CLMP: variants seen among roughly 807,000 people sequenced by gnomAD.
CLMP encodes CXADR like cell adhesion molecule.
In CLMP, 27 loss-of-function variants were observed where a neutral mutation model predicts 45.2. The ratio of observed to expected loss-of-function variants is 0.60; its 90% CI spans 0.44 to 0.82. The LOEUF is 0.82. CLMP is among the 40% of genes least tolerant of loss of function. CLMP has a pLI of 0.00. For synonymous variants in CLMP, 167 were observed against 171.4 expected, an observed-to-expected ratio of 0.97 and a Z score of 0.20; for missense variants, 403 against 448.4, an observed-to-expected ratio of 0.90 and a Z score of 0.91.
intron 1 of CLMP, among the ~76,000 whole-genome samples, chr11:123,139,210 C>G (rs1861120799): frequency 6.6e-6 from 1 of 151,852 alleles, no homozygotes; most frequent in Non-Finnish European, 1.5e-5. Context: ...GCTTTACAAA[C>G]CTCTGAACTA....
At chr11:123,156,425 C>T (rs544784105) in intron 1 of CLMP, among the ~76,000 whole-genome samples, 2 of 152,356 alleles carry the variant, frequency 1.3e-5, no homozygotes, top group South Asian at 2.1e-4. Context: ...GCTGCAAACT[C>T]GGGCATGATC....
At chr11:123,124,344 A>G (rs554686126) in intron 1 of CLMP, among the ~76,000 whole-genome samples, 1 of 152,226 alleles carries the variant, frequency 6.6e-6, no homozygotes, top group Middle Eastern at 3.4e-3. Flanking sequence ...TTGGTTTGCT[A>G]ATCTTTGAGA....
chr11:123,139,583 T>C (rs1011925759), intron 1 of CLMP, among the ~76,000 whole-genome samples: 5 of 152,094 alleles, frequency 3.3e-5, no homozygotes, highest in African/African-American at 1.2e-4. Flanking sequence ...TGCCAGCACA[T>C]TGGGAGGCTG....
chr11:123,090,128 C>T (rs1865913537), intron 2 of CLMP, among the ~76,000 whole-genome samples: 1 of 151,250 alleles, frequency 6.6e-6, no homozygotes, highest in African/African-American at 2.4e-5. Context: ...TTAGGATCCA[C>T]TAACTGGTTG....
At position 123,080,280 on chromosome 11, in the gene CLMP, G is replaced by A. The variant is rs189041237; in HGVS notation, c.679+2805C>T. ...GCTGTATTATACTCATCAGAAGTGA[G>A]TCACTAAGTTCAGATCACACTCAAA... is the stretch of plus-strand genomic sequence containing the variant. On this transcript the variant is annotated intron_variant, in intron 5 of 6. Transcript: ENST00000448775. Among the ~76,000 whole-genome samples, 542 of 151,300 alleles carry A rather than the reference G, an allele frequency of 3.6e-3. 4 individuals are homozygous for A. The highest frequency in any genetic ancestry group is 6.9e-3 in the Middle Eastern group (2 of 288).
chr11:123,171,569 G>A (rs964528383), intron 1 of CLMP, among the ~76,000 whole-genome samples: 4 of 151,374 alleles, frequency 2.6e-5, no homozygotes, highest in Admixed American at 6.6e-5. Flanking sequence ...TCAGCCTTCC[G>A]AGTAGCTGGG....
At chr11:123,131,482 C>A (rs1860986992) in intron 1 of CLMP, among the ~76,000 whole-genome samples, 1 of 152,042 alleles carries the variant, frequency 6.6e-6, no homozygotes, top group African/African-American at 2.4e-5. Flanking sequence ...CAAAAATAAG[C>A]CCAAAACTAA....
At chr11:123,153,479 T>G (rs1489732561) in intron 1 of CLMP, among the ~76,000 whole-genome samples, 1 of 152,160 alleles carries the variant, frequency 6.6e-6, no homozygotes, top group African/African-American at 2.4e-5. Flanking sequence ...TTGTGCCCCT[T>G]AATAAAGCTA....
rs1347888310 is a variant in CLMP at position 123,113,015 on chromosome 11, T to C, written c.29-15063A>G. Among the ~76,000 whole-genome samples the C allele has an allele frequency of 2.6e-5, 4 of 151,622 alleles. No homozygotes were observed. In the South Asian group the frequency reaches 8.3e-4, roughly 32 times the overall value. On this transcript the variant is annotated intron_variant, in intron 1 of 6. Transcript: ENST00000448775. ...GTCTCGATCTCCTGACCTTGTGATC[T>C]GCCCTCCTCGACCTCCCAAAGTACT...
chr11:123,106,677 C>G (rs2135487850), intron 1 of CLMP, among the ~76,000 whole-genome samples: 1 of 152,244 alleles, frequency 6.6e-6, no homozygotes, highest in East Asian at 1.9e-4. Context: ...GTGTCTAGCA[C>G]TGGCGCATGG....
At chr11:123,186,100 G>A (rs975789382) in intron 1 of CLMP, among the ~76,000 whole-genome samples, 4 of 152,250 alleles carry the variant, frequency 2.6e-5, no homozygotes, top group Middle Eastern at 3.4e-3. Context: ...CTCTGCTCGC[G>A]TCTGCTGTTT....
Position 123,152,031 on chromosome 11 carries a change from C to T in CLMP, c.28+42882G>A, listed in dbSNP as rs750450351. ...ATAGCACAGTTCTGATTGCAGCCCTCGAATCTGCTGGTAAAGCAATTTAAA... is the reference window on the plus strand; with the variant it reads ...ATAGCACAGTTCTGATTGCAGCCCTTGAATCTGCTGGTAAAGCAATTTAAA... On this transcript the variant is annotated intron_variant, in intron 1 of 6. Transcript: ENST00000448775. Among the ~76,000 whole-genome samples the T allele has an allele frequency of 1.3e-5, 2 of 152,254 alleles. 1 individual carries two copies. Among genetic ancestry groups the T allele is most frequent in the Middle Eastern group, 6.8e-3 (2 of 294 alleles).
At chr11:123,151,029 TTTTCTGTTAC>T (rs1398818159) in intron 1 of CLMP, among the ~76,000 whole-genome samples, 1 of 152,154 alleles carries the variant, frequency 6.6e-6, no homozygotes, top group Non-Finnish European at 1.5e-5. Flanking sequence ...ATCTCACCAC[TTTTCTGTTAC>T]TGCCAGACTT....
intron 1 of CLMP, among the ~76,000 whole-genome samples, chr11:123,103,029 G>A (rs371211201): frequency 6.6e-6 from 1 of 151,994 alleles, no homozygotes; most frequent in African/African-American, 2.4e-5. Context: ...TAACCCACAC[G>A]CTCATTTTTA....
At chr11:123,076,113 T>C (rs1425843497) in intron 5 of CLMP, among the ~76,000 whole-genome samples, 2 of 151,852 alleles carry the variant, frequency 1.3e-5, no homozygotes, top group Non-Finnish European at 2.9e-5. Context: ...GCAGAGGTTG[T>C]AGTGAGCCGA....
chr11:123,125,559 CCCTT>C (rs1860880522), intron 1 of CLMP, among the ~76,000 whole-genome samples: 1 of 113,372 alleles, frequency 8.8e-6, no homozygotes, highest in South Asian at 3.5e-4. Flanking sequence ...TCCCCTCCCT[CCCTT>C]CCTCCCTCCC....
At chr11:123,192,906 T>C (rs1861927618) in intron 1 of CLMP, 1 of 152,278 alleles carries the variant, frequency 6.6e-6, no homozygotes, top group African/African-American at 2.4e-5. Flanking sequence ...CTGTGTTTTC[T>C]TTCTGCCTTT....
chr11:123,119,310 C>T (rs570386818), intron 1 of CLMP, among the ~76,000 whole-genome samples: 9 of 151,680 alleles, frequency 5.9e-5, no homozygotes, highest in Non-Finnish European at 1.0e-4. Flanking sequence ...CTCAAACTCC[C>T]GACCTCAGGT....
At chr11:123,122,653 A>G (rs1860835276) in intron 1 of CLMP, among the ~76,000 whole-genome samples, 1 of 152,190 alleles carries the variant, frequency 6.6e-6, no homozygotes, top group African/African-American at 2.4e-5. Context: ...CTTATCTGGG[A>G]AAAAGGTAGC....
Sources: allele counts gnomAD v4.1 joint callset (sites outside exome capture counted in the v4.1 genomes callset), GRCh38; gene constraint gnomAD v4.1.1; transcripts MANE v1.5; gene names NCBI Gene and HGNC (gene_info 2026-07-23, HGNC 2026-07-21).